KCNH7: variants seen among roughly 807,000 people sequenced by gnomAD.
KCNH7 encodes the protein potassium voltage-gated channel subfamily H member 7.
A neutral mutation model predicts 120.8 loss-of-function variants in KCNH7; 49 were observed. The ratio of observed to expected loss-of-function variants is 0.41; its 90% confidence interval spans 0.32 to 0.51. The LOEUF is 0.51. KCNH7 is among the 20% of genes least tolerant of loss of function. The pLI is 0.38. For missense variants in KCNH7, 1,097 were observed against 1,446.6 expected (o/e 0.76, Z 3.92); for synonymous variants, 547 against 516.1 (o/e 1.06, Z -0.81).
At chr2:162,623,307 T>C (rs546299242) in intron 2 of KCNH7, among the ~76,000 whole-genome samples, 2 of 152,326 alleles carry the variant, frequency 1.3e-5, no homozygotes, top group East Asian at 3.9e-4. Context: ...TGCCTAGAGA[T>C]ACTACATATT....
chr2:162,604,770 C>A (rs1694675331), intron 2 of KCNH7, among the ~76,000 whole-genome samples: 1 of 152,010 alleles, frequency 6.6e-6, no homozygotes, highest in Non-Finnish European at 1.5e-5. Flanking sequence ...TCATATCCAT[C>A]CCCTGCTCCC....
At chr2:162,736,089 T>C (rs1231274707) in intron 2 of KCNH7, among the ~76,000 whole-genome samples, 1 of 148,346 alleles carries the variant, frequency 6.7e-6, no homozygotes. Flanking sequence ...ATGCTTTTCC[T>C]GTTAACTGAT....
chr2:162,765,539 T>C (rs549214779), intron 2 of KCNH7, among the ~76,000 whole-genome samples: 22 of 152,312 alleles, frequency 1.4e-4, no homozygotes. Flanking sequence ...TGTCTTACTT[T>C]GTTGACACCA....
chr2:162,374,691 GGA>G (rs906670741), intron 14 of KCNH7, among the ~76,000 whole-genome samples: 5 of 151,792 alleles, frequency 3.3e-5, no homozygotes, highest in African/African-American at 1.2e-4. Flanking sequence ...TAATAAACCT[GGA>G]AAACATGAGA....
chr2:162,553,576 G>C (rs944397084), intron 2 of KCNH7, among the ~76,000 whole-genome samples: 1 of 152,112 alleles, frequency 6.6e-6, no homozygotes. Flanking sequence ...GTGAACCCGG[G>C]AGGTGGAGCT....
intron 2 of KCNH7, among the ~76,000 whole-genome samples, chr2:162,655,505 G>C (rs1434102825): frequency 6.6e-6 from 1 of 152,104 alleles, no homozygotes; most frequent in African/African-American, 2.4e-5. Context: ...ATTGTGGTCT[G>C]GCCGGGCGTG....
At chr2:162,819,006 T>C (rs1242847401) in intron 2 of KCNH7, among the ~76,000 whole-genome samples, 1 of 152,128 alleles carries the variant, frequency 6.6e-6, no homozygotes, top group African/African-American at 2.4e-5. Context: ...AAATTGAACA[T>C]TCTACAAAAC....
At chr2:162,706,890 A>G (rs967778186) in intron 2 of KCNH7, among the ~76,000 whole-genome samples, 3 of 152,172 alleles carry the variant, frequency 2.0e-5, no homozygotes, top group African/African-American at 7.2e-5. Flanking sequence ...TATTTATTAC[A>G]ACGTGTGTAA....
At chr2:162,636,284 T>C (rs1229822110) in intron 2 of KCNH7, among the ~76,000 whole-genome samples, 2 of 152,118 alleles carry the variant, frequency 1.3e-5, no homozygotes, top group Non-Finnish European at 2.9e-5. Context: ...AAAACATTCA[T>C]CTTCTTCTGA....
intron 2 of KCNH7, among the ~76,000 whole-genome samples, chr2:162,673,439 C>T (rs1389840816): frequency 1.3e-5 from 2 of 151,998 alleles, no homozygotes; most frequent in Non-Finnish European, 2.9e-5. Flanking sequence ...ATTATCTAGT[C>T]ACAATAATTT....
In KCNH7 at chr2:162,757,419, T is replaced by C. The variant is rs534004173; in HGVS notation, c.307+79118A>G. ...AATTTTTCCCTTTTCAAAATTGCAG[T>C]CTTAATCAGATTCCTGATGAAATAA... On this transcript the variant is annotated intron_variant, in intron 2 of 15. Coordinates refer to ENST00000332142, the MANE Select transcript of KCNH7 (RefSeq NM_033272.4). 2.6e-5 allele frequency among the ~76,000 whole-genome samples: 4 copies of C among 152,302 alleles called. No homozygotes were observed. The East Asian group carries it at 7.7e-4, about 29-fold the overall frequency.
intron 2 of KCNH7, among the ~76,000 whole-genome samples, chr2:162,548,822 A>G (rs1397862564): frequency 2.6e-5 from 4 of 152,206 alleles, no homozygotes; most frequent in African/African-American, 4.8e-5. Context: ...TACTGTGATG[A>G]TTAAATAAGC....
chr2:162,655,140 G>GA lies in KCNH7; in HGVS notation c.308-118061dup, dbSNP rs576807257. Among the ~76,000 whole-genome samples the GA allele has an allele frequency of 5.6e-3, 845 of 152,126 alleles. 9 individuals are homozygous for GA. The highest frequency in any genetic ancestry group is 0.019 in the African/African-American group (807 of 41,522). The stretch of plus-strand genomic sequence containing the variant: ...GAGAGTAGATTTTGTGTTCTCACAA[G>GA]AAAAAATAGGTATGTGAAGTAATGC... On this transcript the variant is annotated intron_variant, in intron 2 of 15. Transcript: ENST00000332142.
In KCNH7 at chr2:162,796,327, C is replaced by T. The variant is rs190077563; in HGVS notation, c.307+40210G>A. The T allele has an allele frequency of 7.9e-5, 12 of 152,004 alleles. No homozygotes were observed. In the East Asian group the frequency reaches 1.9e-3, roughly 25 times the overall value. 9.4% of individuals were successfully genotyped at this position (152,004 alleles called of 1,614,324 possible). On this transcript the variant is annotated intron_variant, in intron 2 of 15. Coordinates refer to ENST00000332142, the MANE Select transcript of KCNH7 (RefSeq NM_033272.4). The stretch of plus-strand genomic sequence containing the variant: ...ATGCATGTAAGGGATCAGGACGAAA[C>T]CCAGCACAAAAAAAGACTGCAAGCC...
rs561607010 is a variant in KCNH7 at position 162,608,104 on chromosome 2, T to C, written c.308-71024A>G. Among the ~76,000 whole-genome samples the C allele has an allele frequency of 1.7e-3, 262 of 152,266 alleles. 1 individual carries two copies. Among genetic ancestry groups the C allele is most frequent in the South Asian group, 5.2e-3 (25 of 4,822 alleles). On this transcript the variant is annotated intron_variant, in intron 2 of 15. Coordinates refer to ENST00000332142, the MANE Select transcript of KCNH7 (RefSeq NM_033272.4). ...GTTGCGGGTGTACTTGGACTTTGTA[T>C]GTTTACAAAGTATGTTTACAAAGGA...
chr2:162,573,031 T>G lies in KCNH7; in HGVS notation c.308-35951A>C, dbSNP rs559365713. Reference sequence around the variant, plus strand: ...CCTGCACATTGTGCTCATGTACCCTTAAACTTAAAGTATAATAATAACACA... The same window carrying G: ...CCTGCACATTGTGCTCATGTACCCTGAAACTTAAAGTATAATAATAACACA... On this transcript the variant is annotated intron_variant, in intron 2 of 15. Coordinates refer to ENST00000332142, the MANE Select transcript of KCNH7 (RefSeq NM_033272.4). Among the ~76,000 whole-genome samples the G allele has an allele frequency of 5.9e-5, 9 of 152,062 alleles. No homozygotes were observed. The East Asian group carries it at 7.8e-4, about 13-fold the overall frequency.
At chr2:162,535,541 A>T (rs1350822013) in intron 3 of KCNH7, among the ~76,000 whole-genome samples, 1 of 151,766 alleles carries the variant, frequency 6.6e-6, no homozygotes, top group African/African-American at 2.4e-5. Flanking sequence ...AAGACACGAA[A>T]ATTAGACTTA....
At chr2:162,433,560 A>G (rs1396816969) in intron 8 of KCNH7, among the ~76,000 whole-genome samples, 1 of 152,130 alleles carries the variant, frequency 6.6e-6, no homozygotes, top group East Asian at 1.9e-4. Context: ...TGGTGCTGAG[A>G]CAGCTGGCTA....
chr2:162,591,872 T>C (rs1311618551), intron 2 of KCNH7, among the ~76,000 whole-genome samples: 1 of 152,134 alleles, frequency 6.6e-6, no homozygotes. Flanking sequence ...CACTTCCTTT[T>C]CTTCCTCTCG....
Sources: gnomAD v4.1 joint callset for allele counts (sites outside exome capture counted in the v4.1 genomes callset) on GRCh38, gnomAD v4.1.1 for gene constraint, MANE v1.5 for transcripts, NCBI Gene and HGNC (gene_info 2026-07-23, HGNC 2026-07-21) for gene names.